Variants in PTPRK observed in about 807,000 individuals in gnomAD.
PTPRK encodes the protein receptor-type tyrosine-protein phosphatase kappa.
In PTPRK, 75 loss-of-function variants were observed where a neutral mutation model predicts 178.0. The observed-to-expected ratio is 0.42, with a 90% confidence interval of 0.35 to 0.51. PTPRK has a LOEUF of 0.51. PTPRK is among the 20% of genes least tolerant of loss of function. The pLI, the probability that PTPRK is intolerant of heterozygous loss-of-function variation, is 0.02. For synonymous variants in PTPRK, 637 were observed against 620.6 expected (o/e 1.03, Z -0.39); for missense variants, 1,441 against 1,797.8 (o/e 0.80, Z 3.59).
chr6:128,094,293 G>T (rs1787537717), intron 7 of PTPRK, among the ~76,000 whole-genome samples: 1 of 152,170 alleles, frequency 6.6e-6, no homozygotes, highest in South Asian at 2.1e-4. Context: ...TTTGGAGGCT[G>T]TGTCAATTGT....
intron 1 of PTPRK, among the ~76,000 whole-genome samples, chr6:128,431,998 GA>G (rs1844893045): frequency 6.6e-6 from 1 of 151,850 alleles, no homozygotes; most frequent in African/African-American, 2.4e-5. Context: ...GGAAGAGGAA[GA>G]AAAAAAGTGA....
At chr6:128,239,573 A>C (rs1583640996) in intron 5 of PTPRK, among the ~76,000 whole-genome samples, 1 of 152,208 alleles carries the variant, frequency 6.6e-6, no homozygotes, top group Admixed American at 6.5e-5. Context: ...ATTAACCCTC[A>C]AACTCAAAAA....
chr6:128,504,918 T>C (rs1346128033), intron 1 of PTPRK, among the ~76,000 whole-genome samples: 1 of 152,124 alleles, frequency 6.6e-6, no homozygotes, highest in East Asian at 1.9e-4. Context: ...CAGTCTGCTT[T>C]CCAAATAATA....
At chr6:128,496,870 A>C (rs1202766080) in intron 1 of PTPRK, among the ~76,000 whole-genome samples, 3 of 152,230 alleles carry the variant, frequency 2.0e-5, no homozygotes, top group Non-Finnish European at 2.9e-5. Flanking sequence ...AACCAAGAAG[A>C]CTATAATTTT....
chr6:127,997,542 G>A (rs1486763954), intron 16 of PTPRK, among the ~76,000 whole-genome samples: 4 of 152,046 alleles, frequency 2.6e-5, no homozygotes, highest in Non-Finnish European at 5.9e-5. Flanking sequence ...TCTGGGAACA[G>A]AAGAATTTGT....
chr6:128,176,158 T>C (rs544959423), intron 7 of PTPRK, among the ~76,000 whole-genome samples: 1 of 152,012 alleles, frequency 6.6e-6, no homozygotes, highest in African/African-American at 2.4e-5. Flanking sequence ...TGTACATATA[T>C]ATATGCATAT....
intron 3 of PTPRK, among the ~76,000 whole-genome samples, chr6:128,296,788 C>A (rs1824496927): frequency 6.6e-6 from 1 of 152,146 alleles, no homozygotes; most frequent in South Asian, 2.1e-4. Context: ...TTGTAAAGAC[C>A]ATCGAGGCTA....
At position 128,237,639 on chromosome 6, in the gene PTPRK, G is replaced by A. The variant is rs552335571; in HGVS notation, c.693+2396C>T. ...AAATTGAGGCCCAGAACACATAAAT[G>A]AAATCTCTAAGGCCACTGCAATTAA... On this transcript the variant is annotated intron_variant, in intron 5 of 29. Transcript: ENST00000368226. Among the ~76,000 whole-genome samples the A allele has an allele frequency of 5.9e-5, 9 of 152,288 alleles. No homozygotes were observed. In the South Asian group the frequency reaches 1.0e-3, roughly 18 times the overall value.
At chr6:128,396,936 C>T (rs996182288) in intron 2 of PTPRK, among the ~76,000 whole-genome samples, 6 of 152,062 alleles carry the variant, frequency 3.9e-5, no homozygotes, top group African/African-American at 9.7e-5. Context: ...AGGCAGAGAT[C>T]GCAGTGAGCA....
chr6:128,063,131 C>T (rs1781148563), intron 13 of PTPRK, among the ~76,000 whole-genome samples: 1 of 152,074 alleles, frequency 6.6e-6, no homozygotes, highest in African/African-American at 2.4e-5. Context: ...GGCCAGAGTC[C>T]TTTCTCTTAC....
At chr6:128,047,951 C>G (rs778143905) in intron 13 of PTPRK, among the ~76,000 whole-genome samples, 8 of 151,980 alleles carry the variant, frequency 5.3e-5, no homozygotes, top group Non-Finnish European at 1.0e-4. Context: ...GACAATATGG[C>G]TCAACTTTCT....
At chr6:128,461,743 A>G (rs929265732) in intron 1 of PTPRK, among the ~76,000 whole-genome samples, 28 of 152,170 alleles carry the variant, frequency 1.8e-4, no homozygotes, top group African/African-American at 6.5e-4. Context: ...AGTGCCTACT[A>G]GCAGTCATTC....
intron 2 of PTPRK, among the ~76,000 whole-genome samples, chr6:128,358,807 T>G (rs887172157): frequency 6.6e-6 from 1 of 152,188 alleles, no homozygotes; most frequent in African/African-American, 2.4e-5. Context: ...TAATATGAAA[T>G]GAAAGGCTTG....
intron 5 of PTPRK, among the ~76,000 whole-genome samples, chr6:128,232,308 T>A (rs1812439714): frequency 6.6e-6 from 1 of 152,250 alleles, no homozygotes; most frequent in Non-Finnish European, 1.5e-5. Flanking sequence ...TTGCTCACGC[T>A]TATCTCTGAA....
At chr6:128,330,543 TC>T (rs753723459) in intron 2 of PTPRK, among the ~76,000 whole-genome samples, 2 of 152,118 alleles carry the variant, frequency 1.3e-5, no homozygotes, top group African/African-American at 2.4e-5. Context: ...CTCTCCTCAA[TC>T]CATTCACGTC....
chr6:128,240,154 T>G lies in PTPRK; in HGVS notation c.578-4A>C. ...CGGAGGAAATGAGGAGATTTATCTG[T>G]GAAGGAAGGGAAAAAAAAATGTATT... On this transcript the variant is annotated splice_polypyrimidine_tract_variant and splice_region_variant and intron_variant, in intron 4 of 29. Coordinates refer to ENST00000368226, the MANE Select transcript of PTPRK (RefSeq NM_002844.4). 6.3e-7 allele frequency: 1 copy of G among 1,588,120 alleles called. No homozygotes were observed. The highest frequency in any genetic ancestry group is 8.6e-7 in the Non-Finnish European group (1 of 1,164,424).
At chr6:128,413,163 G>A (rs1348083452) in intron 1 of PTPRK, among the ~76,000 whole-genome samples, 2 of 152,220 alleles carry the variant, frequency 1.3e-5, no homozygotes, top group Non-Finnish European at 2.9e-5. Flanking sequence ...CCCTAAAGCA[G>A]GACAAGGCAA....
At chr6:128,437,051 A>G (rs1845690897) in intron 1 of PTPRK, among the ~76,000 whole-genome samples, 1 of 152,184 alleles carries the variant, frequency 6.6e-6, no homozygotes, top group South Asian at 2.1e-4. Flanking sequence ...GAGTCACTCC[A>G]TCTTGAATGA....
rs940562251 is a variant in PTPRK, at chr6:128,441,112, C to T, written c.101-43424G>A. 3.3e-5 allele frequency among the ~76,000 whole-genome samples: 5 copies of T among 152,194 alleles called. No homozygotes were observed. In the South Asian group the frequency reaches 1.0e-3, roughly 32 times the overall value. On this transcript the variant is annotated intron_variant, in intron 1 of 29. Coordinates refer to ENST00000368226, the MANE Select transcript of PTPRK (RefSeq NM_002844.4). The stretch of plus-strand genomic sequence containing the variant: ...ACAATCTTAGAGGTGAAAAAAATGA[C>T]AATTCTTATGATTTTAATTTGCATT...
Sources: gnomAD v4.1 joint callset for allele counts (sites outside exome capture counted in the v4.1 genomes callset) on GRCh38, gnomAD v4.1.1 for gene constraint, MANE v1.5 for transcripts, NCBI Gene and HGNC (gene_info 2026-07-23, HGNC 2026-07-21) for gene names.